The following PAPLN variants were observed in gnomAD, a reference collection of about 807,000 sequenced individuals.
The protein encoded by PAPLN is papilin.
A neutral mutation model predicts 159.0 loss-of-function variants in PAPLN; 146 were observed. That is an observed-to-expected ratio of 0.92 (90% CI 0.80 to 1.05). The LOEUF (loss-of-function observed/expected upper bound fraction) is 1.05. PAPLN is among the 50% of genes least tolerant of loss of function. The probability of loss-of-function intolerance (pLI) is 0.00; values close to 1 mark genes in which losing one functional copy is unlikely to be tolerated. For synonymous variants in PAPLN, 734 were observed against 702.9 expected (o/e 1.04, Z -0.70); for missense variants, 1,720 against 1,743.9 (o/e 0.99, Z 0.24).
rs1235850659 is a variant in PAPLN, at chr14:73,262,817, T to A, written c.2713T>A (p.Ser905Thr). ...AGSPAPPFHS[S>T]SYRISLAGVE... ...ATCACCAGCGCCACCCTTCCACAGC[T>A]CCTCCTACAGGTGAGGCCCACCTTC... The change falls in exon 19 of 27, where the codon TCC becomes ACC. Residue 905 changes from serine to threonine, a missense_variant. Physicochemically the swap from Ser to Thr is moderately conservative, Grantham distance 58 (BLOSUM62 1). Coordinates refer to ENST00000644200, the MANE Select transcript of PAPLN (RefSeq NM_001365906.3). The A allele has an allele frequency of 6.7e-7, 1 of 1,486,328 alleles. No individual in the cohort carries two copies. The highest frequency in any genetic ancestry group is 8.9e-7 in the Non-Finnish European group (1 of 1,121,898). 92.1% of individuals were successfully genotyped at this position (1,486,328 alleles called of 1,614,324 possible). A position where few individuals can be genotyped will look rare whatever the true frequency, so the allele number is the denominator to read the frequency against.
intron 21 of PAPLN, 29 bp from the exon 22 acceptor site, chr14:73,264,559 A>C (rs929743985): frequency 6.3e-7 from 1 of 1,584,066 alleles, no homozygotes; most frequent in Non-Finnish European, 8.6e-7. Flanking sequence ...CTCACAGCTC[A>C]CACCTTGTTT....
At chr14:73,251,451 C>T in intron 7 of PAPLN, 35 bp from the exon 8 acceptor site, 1 of 1,586,336 alleles carries the variant, frequency 6.3e-7, no homozygotes, top group Non-Finnish European at 8.6e-7. Flanking sequence ...AGAGGGATAG[C>T]CCAGCACACC....
At chr14:73,263,397 A>C (rs776657839) in intron 19 of PAPLN, 45 of 575,750 alleles carry the variant, frequency 7.8e-5, no homozygotes, top group Non-Finnish European at 1.3e-4. Context: ...TGGGCTTTGC[A>C]CCTACCTTGT....
chr14:73,264,541 C>G (rs1887013578), intron 21 of PAPLN, 47 bp from the exon 22 acceptor site: 1 of 1,568,220 alleles, frequency 6.4e-7, no homozygotes. Context: ...TCCTTCCACT[C>G]CCTTTTCCTC....
At position 73,265,102 on chromosome 14, in the gene PAPLN, G is replaced by A. The variant is rs904729741; in HGVS notation, c.3126-268G>A. Among the ~76,000 whole-genome samples the A allele has an allele frequency of 6.6e-6, 1 of 152,176 alleles. No individual in the cohort carries two copies. Among genetic ancestry groups the A allele is most frequent in the Non-Finnish European group, 1.5e-5 (1 of 68,024 alleles). ...AGACCTAGTGGCAAATGTGCAGGGT[G>A]GGGGGTGACAGATGGGGATCCTGGC... On this transcript the variant is annotated intron_variant, in intron 22 of 26. Transcript: ENST00000644200. This position sits in a 1 kb window ranked among gnomAD's most constrained non-coding sequence, Gnocchi z 4.1.
At position 73,259,060 on chromosome 14, in the gene PAPLN, G is replaced by A. The variant is rs1195004333; in HGVS notation, c.1708+1G>A. On this transcript the variant is annotated splice_donor_variant, in intron 15 of 26. Coordinates refer to ENST00000644200, the MANE Select transcript of PAPLN (RefSeq NM_001365906.3). LOFTEE classifies it high-confidence loss of function. The stretch of plus-strand genomic sequence containing the variant: ...GGCCCTCAGGAGTCCCCTGCCTCAG[G>A]TGAGAGCCTGGTCCCGTCCCCCACT... The A allele has an allele frequency of 3.7e-6, 6 of 1,609,670 alleles. No individual in the cohort carries two copies. Among genetic ancestry groups the A allele is most frequent in the South Asian group, 1.1e-5 (1 of 90,482 alleles).
At position 73,272,643 on chromosome 14, in the gene PAPLN, C is replaced by T. The variant is rs148053904; in HGVS notation, c.3816C>T (p.His1272=). Residue 1272 remains histidine, a synonymous_variant, in exon 27 of 27, where the codon CAC becomes CAT. Coordinates refer to ENST00000644200, the MANE Select transcript of PAPLN (RefSeq NM_001365906.3). ...CCAGCTGTTCACGTTTCCAGCCTCACGCTCAGCCCATCTGGCAGTAGGGAT... is the reference window on the plus strand; with the variant it reads ...CCAGCTGTTCACGTTTCCAGCCTCATGCTCAGCCCATCTGGCAGTAGGGAT... ...CCASCSRFQP[H]AQPIWQ is the part of the protein sequence containing the mutation. 3.9e-5 allele frequency: 61 copies of T among 1,581,846 alleles called. No homozygotes were observed. The highest frequency in any genetic ancestry group is 5.1e-5 in the Non-Finnish European group (59 of 1,154,540).
Position 73,251,608 on chromosome 14 carries a change from A to AG in PAPLN, c.670+47dup, listed in dbSNP as rs1454542984. On this transcript the variant is annotated intron_variant, in intron 8 of 26. Coordinates refer to ENST00000644200, the MANE Select transcript of PAPLN (RefSeq NM_001365906.3). The stretch of plus-strand genomic sequence containing the variant: ...AGGTCCTAGGCAGGTCTGGGGCTGC[A>AG]GGGGGAGGTGCGGCACTGCTCCCTC... 4 of 1,613,236 alleles carry AG rather than the reference A, an allele frequency of 2.5e-6. No homozygotes were observed. In the East Asian group the frequency reaches 6.7e-5, roughly 27 times the overall value.
chr14:73,239,705 C>T (rs993459270), intron 1 of PAPLN, 68 bp from the exon 2 acceptor site: 3 of 1,532,580 alleles, frequency 2.0e-6, no homozygotes, highest in Non-Finnish European at 1.7e-6. Context: ...CGCGCCCACA[C>T]ACTCTCGCCC....
chr14:73,250,077 C>T lies in PAPLN; in HGVS notation c.428C>T (p.Pro143Leu), dbSNP rs775186460. 7.0e-5 allele frequency: 113 copies of T among 1,612,474 alleles called. No individual in the cohort carries two copies. The highest frequency in any genetic ancestry group is 3.3e-4 in the Middle Eastern group (2 of 6,048). ...GTGGTTGATGGGACGCCCTGCGAGC[C>T]TGGCAAGAGGGATGTCTGTGTGGAT... Reference protein sequence around the residue: ...EAVVDGTPCEPGKRDVCVDGS... With the variant: ...EAVVDGTPCELGKRDVCVDGS... The change falls in exon 6 of 27, where the codon CCT becomes CTT. Residue 143 changes from proline to leucine, a missense_variant. Coordinates refer to ENST00000644200, the MANE Select transcript of PAPLN (RefSeq NM_001365906.3).
At chr14:73,256,679 C>T (rs1025993332) in intron 14 of PAPLN, among the ~76,000 whole-genome samples, 1 of 151,980 alleles carries the variant, frequency 6.6e-6, no homozygotes, top group Non-Finnish European at 1.5e-5. Context: ...ATCACTTGAG[C>T]TCAGGAGTTC....
chr14:73,252,763 C>G lies in PAPLN; in HGVS notation c.1082C>G (p.Pro361Arg). The change falls in exon 11 of 27, where the codon CCG becomes CGG. Residue 361 changes from proline to arginine, a missense_variant. Coordinates refer to ENST00000644200, the MANE Select transcript of PAPLN (RefSeq NM_001365906.3). ...CGTTCCTGCAATCTTCACCCTTGCC[C>G]GGAGACCAAGCGGTGAGACCTTGCC... ...DRRSCNLHPCPETKRWKAGPW... is the reference protein window; with the variant it reads ...DRRSCNLHPCRETKRWKAGPW... 6.2e-7 allele frequency: 1 copy of G among 1,613,418 alleles called. No homozygotes were observed. The highest frequency in any genetic ancestry group is 8.5e-7 in the Non-Finnish European group (1 of 1,179,964).
chr14:73,256,164 C>T (rs1885884414), intron 14 of PAPLN, among the ~76,000 whole-genome samples: 1 of 152,130 alleles, frequency 6.6e-6, no homozygotes. Flanking sequence ...AGTCTGTTCC[C>T]CAGGGCCTTG....
At chr14:73,238,632 C>T (rs1220596261) in intron 1 of PAPLN, among the ~76,000 whole-genome samples, 3 of 152,208 alleles carry the variant, frequency 2.0e-5, no homozygotes, top group African/African-American at 7.2e-5. Context: ...TGGGAGCTGC[C>T]CCCAGCAGAG....
In PAPLN at chr14:73,266,834, A is replaced by G; in HGVS notation, c.3500+3A>G. 6.2e-7 allele frequency: 1 copy of G among 1,606,876 alleles called. No individual in the cohort carries two copies. Among genetic ancestry groups the G allele is most frequent in the Non-Finnish European group, 8.5e-7 (1 of 1,176,378 alleles). The stretch of plus-strand genomic sequence containing the variant: ...AGTGTGAACATCAGGTGGTCCAGGT[A>G]AAGGCTCTATTCCAAGTTGTCCCTG... On this transcript the variant is annotated splice_donor_region_variant and intron_variant, in intron 25 of 26. Coordinates refer to ENST00000644200, the MANE Select transcript of PAPLN (RefSeq NM_001365906.3).
chr14:73,263,469 G>A, intron 19 of PAPLN, 176 bp from the exon 20 acceptor site: 4 of 751,340 alleles, frequency 5.3e-6, no homozygotes, highest in Non-Finnish European at 8.8e-6. Context: ...GGTTGGGGAG[G>A]GTAGATTCCT....
In PAPLN at chr14:73,253,970, C is replaced by G. The variant is rs2293794; in HGVS notation, c.1302+9C>G. 14,558 of 1,605,076 alleles carry G rather than the reference C, an allele frequency of 9.1e-3. 360 individuals carry two copies. The highest frequency in any genetic ancestry group is 0.061 in the South Asian group (5,490 of 90,690). On this transcript the variant is annotated intron_variant, in intron 12 of 26. Transcript: ENST00000644200. Reference sequence around the variant, plus strand: ...CGGAGCCCTGGGGAGAGGTCAGGCCCCTGGCCCGCATGGGGCTGGTGCTGG... The same window carrying G: ...CGGAGCCCTGGGGAGAGGTCAGGCCGCTGGCCCGCATGGGGCTGGTGCTGG...
chr14:73,262,438 A>G lies in PAPLN; in HGVS notation c.2334A>G (p.Gln778=), dbSNP rs750201948. 8 of 1,613,748 alleles carry G rather than the reference A, an allele frequency of 5.0e-6. No individual in the cohort carries two copies. The highest frequency in any genetic ancestry group is 5.9e-6 in the Non-Finnish European group (7 of 1,179,870). The change falls in exon 19 of 27, where the codon CAA becomes CAG. Residue 778 remains glutamine (Q), a synonymous_variant. Coordinates refer to ENST00000644200, the MANE Select transcript of PAPLN (RefSeq NM_001365906.3). ...GGTACTTCGTTGCCTCTGTGGGCCA[A>G]TGTAACCGCTTCTGGTATGGCGGCT... ...ARWYFVASVG[Q]CNRFWYGGCH...
chr14:73,251,281 C>T (rs545242713), intron 7 of PAPLN, among the ~76,000 whole-genome samples: 3 of 152,278 alleles, frequency 2.0e-5, no homozygotes, highest in African/African-American at 7.2e-5. Flanking sequence ...CAGTGTGCTC[C>T]GGGTGCCCTG....
Sources: allele counts gnomAD v4.1 joint callset (sites outside exome capture counted in the v4.1 genomes callset), GRCh38; gene constraint gnomAD v4.1.1; non-coding constraint Gnocchi (gnomAD v3.1); transcripts MANE v1.5; gene names NCBI Gene and HGNC (gene_info 2026-07-23, HGNC 2026-07-21).